The following TMEM131 variants were observed in gnomAD, a reference collection of about 807,000 sequenced individuals.
The protein encoded by TMEM131 is 2610524E03Rik.
In TMEM131, 66 loss-of-function variants were observed where a neutral mutation model predicts 211.6. The observed-to-expected ratio is 0.31, with a 90% CI of 0.26 to 0.38. The LOEUF is 0.38. Ranked by LOEUF, TMEM131 falls within the 10% of genes least tolerant of loss-of-function variation. TMEM131 has a pLI of 1.00. For synonymous variants in TMEM131, 844 were observed against 841.3 expected (o/e 1.00, Z -0.06); for missense variants, 2,036 against 2,299.3 (o/e 0.89, Z 2.34).
Position 97,772,341 on chromosome 2 carries a change from T to A in TMEM131, c.4404A>T (p.Lys1468Asn), listed in dbSNP as rs936395616. ...GGATTTCTTTCTTAATATTTAAGAG[T>A]TTTTTGCTTTTTTGCTTCACTTGAG... ...EMSQVKQKSK[K>N]LLNIKKEIPT... Residue 1468 changes from lysine to asparagine, a missense_variant, in exon 33 of 41, where the codon AAA (lysine) becomes AAT (asparagine). Lys to Asn is a moderately conservative substitution (Grantham distance 94). Around this residue, in one of 3 missense-constraint regions of TMEM131, gnomAD observed 1,623 missense variants for 1,805.9 expected, o/e 0.90. Transcript: ENST00000186436. 2.5e-6 allele frequency: 4 copies of A among 1,598,602 alleles called. No homozygotes were observed. Among genetic ancestry groups the A allele is most frequent in the Non-Finnish European group, 3.4e-6 (4 of 1,176,466 alleles).
intron 5 of TMEM131, among the ~76,000 whole-genome samples, chr2:97,854,661 C>T (rs892516497): frequency 1.3e-5 from 2 of 152,168 alleles, no homozygotes; most frequent in African/African-American, 4.8e-5. Context: ...CAAGTCAAAC[C>T]ATAGTTTGTA....
chr2:97,937,633 A>G (rs1296631240), intron 1 of TMEM131, among the ~76,000 whole-genome samples: 3 of 152,196 alleles, frequency 2.0e-5, no homozygotes, highest in Non-Finnish European at 4.4e-5. Context: ...AATAATAATA[A>G]AGGGATCACT....
intron 4 of TMEM131, among the ~76,000 whole-genome samples, chr2:97,861,706 C>G (rs1326480176): frequency 1.3e-5 from 2 of 152,036 alleles, no homozygotes; most frequent in East Asian, 1.9e-4. Flanking sequence ...TGCAGGACAA[C>G]AGAACACTAG....
At chr2:97,988,185 G>A (rs2104670091) in intron 1 of TMEM131, among the ~76,000 whole-genome samples, 1 of 152,194 alleles carries the variant, frequency 6.6e-6, no homozygotes, top group Admixed American at 6.5e-5. Flanking sequence ...TTCATACAAG[G>A]ACACAAAGAC....
chr2:97,766,511 C>T lies in TMEM131; in HGVS notation c.4540G>A (p.Gly1514Arg). 1 of 1,613,954 alleles carries T rather than the reference C, an allele frequency of 6.2e-7. No individual in the cohort carries two copies. The highest frequency in any genetic ancestry group is 1.1e-5 in the South Asian group (1 of 91,074). ...KIPLPTAMTS[G>R]SKSRNAQKTK... is the part of the protein sequence containing the mutation. ...TTCTGGGCATTTCGTGATTTGGATCCACTTGTCATTGCAGTTGGAAGAGGA... is the reference window on the plus strand; with the variant it reads ...TTCTGGGCATTTCGTGATTTGGATCTACTTGTCATTGCAGTTGGAAGAGGA... The change falls in exon 34 of 41, where the codon GGA (glycine) becomes AGA (arginine). Residue 1514 changes from glycine to arginine, a missense_variant. Gly to Arg is a moderately radical substitution (Grantham distance 125). Transcript: ENST00000186436.
intron 25 of TMEM131, among the ~76,000 whole-genome samples, chr2:97,800,595 C>A (rs9711467): frequency 4.4e-3 from 541 of 123,096 alleles, no homozygotes; most frequent in African/African-American, 7.1e-3. Context: ...ACTAAAAATA[C>A]AAAAAAAAAA....
intron 31 of TMEM131, among the ~76,000 whole-genome samples, chr2:97,789,897 G>A (rs1680421953): frequency 6.6e-6 from 1 of 152,210 alleles, no homozygotes; most frequent in Non-Finnish European, 1.5e-5. Context: ...TCCACTGGAA[G>A]CAGTGACTGG....
At chr2:97,983,655 AG>A (rs750856648) in intron 1 of TMEM131, among the ~76,000 whole-genome samples, 3 of 152,148 alleles carry the variant, frequency 2.0e-5, no homozygotes, top group East Asian at 1.9e-4. Context: ...TAAATACGAA[AG>A]GACTGTAGAA....
At chr2:97,781,450 G>A (rs1680001311) in intron 31 of TMEM131, among the ~76,000 whole-genome samples, 1 of 152,202 alleles carries the variant, frequency 6.6e-6, no homozygotes, top group Non-Finnish European at 1.5e-5. Context: ...TGACCAATGA[G>A]TTTGGTTTTT....
rs182806728 is a variant in TMEM131 at position 97,942,614 on chromosome 2, T to C, written c.188-15127A>G. Among the ~76,000 whole-genome samples, 13 of 151,832 alleles carry C rather than the reference T, an allele frequency of 8.6e-5. No homozygotes were observed. The South Asian group carries it at 1.0e-3, about 12-fold the overall frequency. On this transcript the variant is annotated intron_variant, in intron 1 of 40. Coordinates refer to ENST00000186436, the MANE Select transcript of TMEM131 (RefSeq NM_015348.2). The stretch of plus-strand genomic sequence containing the variant: ...AAGAAACAACTATACACAAACAAAT[T>C]AGACAGCCTACATGAAATGAACAAA...
chr2:97,952,201 AAGT>A (rs1678354407), intron 1 of TMEM131, among the ~76,000 whole-genome samples: 1 of 152,118 alleles, frequency 6.6e-6, no homozygotes, highest in African/African-American at 2.4e-5. Context: ...GCTGCAGAAA[AAGT>A]AGGCTGAAAC....
At position 97,802,454 on chromosome 2, in the gene TMEM131, T is replaced by C. The variant is rs1489096874; in HGVS notation, c.2625A>G (p.Ser875=). The C allele has an allele frequency of 6.2e-7, 1 of 1,610,860 alleles. No homozygotes were observed. The highest frequency in any genetic ancestry group is 1.1e-5 in the South Asian group (1 of 90,222). ...FIPLALYSNP[S]VFVDKLVSRF... ...TTGATACTAACTTATCTACAAACAC[T>C]GAAGGGTTGGAATATAAAGCCAGAG... is the stretch of plus-strand genomic sequence containing the variant. Residue 875 remains serine, a synonymous_variant, in exon 24 of 41, where the codon TCA becomes TCG. Transcript: ENST00000186436.
chr2:97,767,387 TG>T (rs1308952370), intron 33 of TMEM131, among the ~76,000 whole-genome samples: 1 of 152,122 alleles, frequency 6.6e-6, no homozygotes, highest in Non-Finnish European at 1.5e-5. Context: ...AGCTGGCCCA[TG>T]GAAGACAGCA....
intron 3 of TMEM131, among the ~76,000 whole-genome samples, chr2:97,889,164 A>G (rs1223475888): frequency 6.6e-6 from 1 of 152,240 alleles, no homozygotes; most frequent in African/African-American, 2.4e-5. Flanking sequence ...ATAAAATCCA[A>G]ACATGTTTTT....
At chr2:97,767,368 G>C (rs1382375538) in intron 33 of TMEM131, among the ~76,000 whole-genome samples, 1 of 152,182 alleles carries the variant, frequency 6.6e-6, no homozygotes, top group Non-Finnish European at 1.5e-5. Flanking sequence ...TGAGAGAAAT[G>C]AACTGGGTAG....
intron 39 of TMEM131, 151 bp downstream of exon 39, chr2:97,759,501 G>A: frequency 1.5e-6 from 1 of 648,384 alleles, no homozygotes; most frequent in South Asian, 1.9e-5. Context: ...GATGAGGGAG[G>A]AAGAGGGGAG....
rs546525556 is a variant in TMEM131 at position 97,876,975 on chromosome 2, C to T, written c.359+11077G>A. The stretch of plus-strand genomic sequence containing the variant: ...ACCCCATCGACTCAGCCCAAAATCT[C>T]CTTAAGCTGCTGATAAGCAACTTCA... On this transcript the variant is annotated intron_variant, in intron 4 of 40. Transcript: ENST00000186436. Among the ~76,000 whole-genome samples, 78 of 152,288 alleles carry T rather than the reference C, an allele frequency of 5.1e-4. 1 individual carries two copies. The highest frequency in any genetic ancestry group is 1.8e-3 in the African/African-American group (74 of 41,572).
At chr2:97,848,526 A>G (rs1683551302) in intron 5 of TMEM131, among the ~76,000 whole-genome samples, 1 of 152,216 alleles carries the variant, frequency 6.6e-6, no homozygotes, top group Non-Finnish European at 1.5e-5. Context: ...ATTACTTGTA[A>G]TACTTAATAC....
chr2:97,937,260 A>C (rs576163784), intron 1 of TMEM131, among the ~76,000 whole-genome samples: 1 of 152,330 alleles, frequency 6.6e-6, no homozygotes, highest in East Asian at 1.9e-4. Flanking sequence ...AATTCTGGAC[A>C]TAAAAGTACA....
Sources: gnomAD v4.1 joint callset for allele counts (sites outside exome capture counted in the v4.1 genomes callset) on GRCh38, gnomAD v4.1.1 for gene constraint, gnomAD v4.1.1 regional missense constraint, MANE v1.5 for transcripts, NCBI Gene and HGNC (gene_info 2026-07-23, HGNC 2026-07-21) for gene names.